PRRC2C: variants seen among roughly 807,000 people sequenced by gnomAD.
PRRC2C encodes the protein protein PRRC2C.
Under a neutral mutation model 317.2 loss-of-function variants are expected in PRRC2C, and 72 were observed. The observed-to-expected ratio is 0.23, with a 90% CI of 0.19 to 0.28. The LOEUF (loss-of-function observed/expected upper bound fraction) is 0.28. Among genes scored for constraint, PRRC2C ranks in the 10% least tolerant of loss-of-function variants. PRRC2C has a pLI of 1.00. For synonymous variants in PRRC2C, 1,296 were observed against 1,205.9 expected, an observed-to-expected ratio of 1.07 and a Z score of -1.55; for missense variants, 3,074 against 3,459.7, an observed-to-expected ratio of 0.89 and a Z score of 2.80.
At chr1:171,494,953 T>C (rs1322151662) in intron 1 of PRRC2C, among the ~76,000 whole-genome samples, 1 of 152,202 alleles carries the variant, frequency 6.6e-6, no homozygotes, top group African/African-American at 2.4e-5. Flanking sequence ...TTTAGCAAAA[T>C]TACACGTCAT....
Position 171,532,907 on chromosome 1 carries a change from C to T in PRRC2C, c.1819C>T (p.Pro607Ser). The change falls in exon 12 of 35, where the codon CCT becomes TCT. Residue 607 changes from proline to serine, a missense_variant. Physicochemically the swap from Pro to Ser is moderately conservative, Grantham distance 74. Around this residue, in one of 11 missense-constraint regions of PRRC2C, gnomAD observed 1,320 missense variants for 1,395.7 expected, o/e 0.95. Transcript: ENST00000647382. The part of the protein sequence containing the change: ...KLEEKIEPRE[P>S]NLEPMVEKQE... ...AGAGGAGAAAATTGAACCCAGAGAA[C>T]CTAATTTAGAGCCCATGGTAGAAAA... 1 of 1,575,138 alleles carries T rather than the reference C, an allele frequency of 6.3e-7. No individual in the cohort carries two copies. The highest frequency in any genetic ancestry group is 8.5e-7 in the Non-Finnish European group (1 of 1,170,830).
At chr1:171,518,502 T>TCAATTTTTTTTCAA (rs368649847) in intron 6 of PRRC2C, among the ~76,000 whole-genome samples, 2 of 109,592 alleles carry the variant, frequency 1.8e-5, no homozygotes, top group Admixed American at 9.1e-5. Context: ...CAATTTTTTT[T>TCAATTTTTTTTCAA]TTTTTTTTTT....
At chr1:171,538,458 C>T (rs981773153) in intron 15 of PRRC2C, among the ~76,000 whole-genome samples, 9 of 152,140 alleles carry the variant, frequency 5.9e-5, no homozygotes, top group Non-Finnish European at 1.0e-4. Context: ...TTTGAAATGG[C>T]GCACAATTGG....
At chr1:171,560,781 TTTGCTTTATTGCAATAC>T (rs1311822886) in intron 19 of PRRC2C, among the ~76,000 whole-genome samples, 2 of 152,206 alleles carry the variant, frequency 1.3e-5, no homozygotes, top group African/African-American at 4.8e-5. Context: ...ATTAGTGTGA[TTTGCTTTATTGCAATAC>T]TTGCTTTATT....
At position 171,486,172 on chromosome 1, in the gene PRRC2C, C is replaced by A. The variant is rs1003491375; in HGVS notation, c.-58+437C>A. Among the ~76,000 whole-genome samples, 10 of 148,280 alleles carry A rather than the reference C, an allele frequency of 6.7e-5. No homozygotes were observed. The Admixed American group carries it at 6.8e-4, about 10-fold the overall frequency. On this transcript the variant is annotated intron_variant, in intron 1 of 34. Transcript: ENST00000647382. ...TCCCCAAACAACTGAAGGACTCAGCCGGGGCTTTCACTGTCTACCTCTTCC... is the reference window on the plus strand; with the variant it reads ...TCCCCAAACAACTGAAGGACTCAGCAGGGGCTTTCACTGTCTACCTCTTCC...
intron 10 of PRRC2C, among the ~76,000 whole-genome samples, chr1:171,525,652 G>A (rs144885187): frequency 4.6e-4 from 70 of 152,318 alleles, no homozygotes; most frequent in African/African-American, 1.7e-3. Flanking sequence ...AAGTCAGTAA[G>A]CAGTTACAGT....
chr1:171,517,558 A>G, intron 5 of PRRC2C, 33 bp from the exon 6 acceptor site: 1 of 1,579,710 alleles, frequency 6.3e-7, no homozygotes, highest in Non-Finnish European at 8.6e-7. Context: ...TCAGATTTTT[A>G]TCTTTTTCCT....
At chr1:171,537,599 T>C (rs1427096592) in intron 15 of PRRC2C, 126 bp downstream of exon 15, 2 of 874,816 alleles carry the variant, frequency 2.3e-6, no homozygotes, top group South Asian at 1.8e-5. Flanking sequence ...CTATTTAATT[T>C]AGCATGCTAC....
chr1:171,491,142 C>T (rs1423894790), intron 1 of PRRC2C, among the ~76,000 whole-genome samples: 6 of 152,076 alleles, frequency 3.9e-5, no homozygotes, highest in Non-Finnish European at 2.9e-5. Context: ...GGGGAAGATA[C>T]GTTCCCTATA....
chr1:171,500,593 A>C (rs1042499834), intron 1 of PRRC2C, among the ~76,000 whole-genome samples: 2 of 152,134 alleles, frequency 1.3e-5, no homozygotes, highest in Non-Finnish European at 2.9e-5. Context: ...AGACAGTCTC[A>C]CTATGTTGCC....
intron 20 of PRRC2C, among the ~76,000 whole-genome samples, chr1:171,561,609 A>G (rs939922006): frequency 1.3e-5 from 2 of 152,236 alleles, no homozygotes; most frequent in African/African-American, 2.4e-5. Context: ...TTGCTGCTAC[A>G]TCTTTACATT....
chr1:171,505,026 ATTTT>A (rs56282458), intron 1 of PRRC2C, among the ~76,000 whole-genome samples: 2 of 136,700 alleles, frequency 1.5e-5, no homozygotes, highest in Non-Finnish European at 1.6e-5. Context: ...AAGTATTTCA[ATTTT>A]TTTTTTTTTT....
At chr1:171,506,768 G>A (rs1375460121) in intron 1 of PRRC2C, among the ~76,000 whole-genome samples, 1 of 151,040 alleles carries the variant, frequency 6.6e-6, no homozygotes, top group East Asian at 1.9e-4. Context: ...GCAGCCTGCA[G>A]TATTGTTTCC....
chr1:171,577,381 C>A, intron 25 of PRRC2C, 53 bp from the exon 26 acceptor site: 1 of 1,445,830 alleles, frequency 6.9e-7, no homozygotes, highest in Non-Finnish European at 9.5e-7. Flanking sequence ...TGAACAATAG[C>A]AACACTTTTA....
intron 28 of PRRC2C, among the ~76,000 whole-genome samples, chr1:171,581,073 T>A (rs1385859970): frequency 6.6e-6 from 1 of 152,222 alleles, no homozygotes; most frequent in Non-Finnish European, 1.5e-5. Context: ...ACCTTTTGAT[T>A]AAAGATGCTT....
At chr1:171,519,430 A>G (rs917987746) in intron 6 of PRRC2C, among the ~76,000 whole-genome samples, 29 of 152,224 alleles carry the variant, frequency 1.9e-4, no homozygotes, top group African/African-American at 6.8e-4. Flanking sequence ...CTTGTTACCT[A>G]TAGATATTTC....
rs1197920934 is a variant in PRRC2C, at chr1:171,557,681, A to T, written c.5569A>T (p.Ile1857Phe). ...AGTTTCAACCCCAGCTTCTGTCACC[A>T]TTCTTGCCTCAGCCTCAATTCCCAT... ...ASVSTPASVT[I>F]LASASIPILA... Residue 1857 changes from isoleucine (I) to phenylalanine (F), a missense_variant, in exon 19 of 35, where the codon ATT becomes TTT. Around this residue, in one of 11 missense-constraint regions of PRRC2C, gnomAD observed 640 missense variants for 676.1 expected, o/e 0.95. Transcript: ENST00000647382. 7.1e-6 allele frequency: 11 copies of T among 1,549,598 alleles called. No individual in the cohort carries two copies. Among genetic ancestry groups the T allele is most frequent in the Non-Finnish European group, 9.6e-6 (11 of 1,146,548 alleles).
intron 3 of PRRC2C, among the ~76,000 whole-genome samples, chr1:171,514,329 T>G (rs1404282046): frequency 6.6e-6 from 1 of 152,030 alleles, no homozygotes; most frequent in East Asian, 1.9e-4. Context: ...CTCATCTCAT[T>G]GGGTTATTCA....
At chr1:171,503,991 G>C (rs1399665254) in intron 1 of PRRC2C, among the ~76,000 whole-genome samples, 1 of 152,046 alleles carries the variant, frequency 6.6e-6, no homozygotes, top group Non-Finnish European at 1.5e-5. Context: ...ACCTTCCACC[G>C]AGTCCCTCCC....
Sources: allele counts gnomAD v4.1 joint callset (sites outside exome capture counted in the v4.1 genomes callset), GRCh38; gene constraint gnomAD v4.1.1; regional missense constraint gnomAD v4.1.1; transcripts MANE v1.5; gene names NCBI Gene and HGNC (gene_info 2026-07-23, HGNC 2026-07-21).